Variants in RPS27L observed in about 807,000 individuals in gnomAD.
The protein encoded by RPS27L is ribosomal protein eS27-like.
Under a neutral mutation model 12.8 loss-of-function variants are expected in RPS27L, and 10 were observed. The observed-to-expected ratio is 0.78, with a 90% CI of 0.48 to 1.33. The LOEUF is 1.33. Among genes scored for constraint, RPS27L ranks in the 40% most tolerant of loss-of-function variants. The pLI, the probability that RPS27L is intolerant of heterozygous loss-of-function variation, is 0.00. For missense variants in RPS27L, 81 were observed against 97.4 expected (o/e 0.83, Z 0.71); for synonymous variants, 26 against 32.3 (o/e 0.81, Z 0.66).
chr15:63,157,051 A>G (rs890192903), intron 1 of RPS27L: 5 of 389,714 alleles, frequency 1.3e-5, no homozygotes, highest in South Asian at 3.3e-5. Flanking sequence ...CGCTTCCGAA[A>G]GAAGGCAGAG....
intron 1 of RPS27L, 91 bp from the exon 2 acceptor site, chr15:63,156,612 T>TAACGGTC (rs1324585232): frequency 1.2e-6 from 1 of 802,276 alleles, no homozygotes; most frequent in Non-Finnish European, 2.1e-6. Flanking sequence ...AAAACAGGAA[T>TAACGGTC]AACGGTCATC....
rs2037281937 is a variant in RPS27L at position 63,148,914 on chromosome 15, A to G, written c.*5118T>C. The G allele has an allele frequency of 7.4e-6, 1 of 135,612 alleles. No homozygotes were observed. Among genetic ancestry groups the G allele is most frequent in the Non-Finnish European group, 1.5e-5 (1 of 66,308 alleles). 8.4% of individuals were successfully genotyped at this position (135,612 alleles called of 1,614,324 possible). On this transcript the variant is annotated 3_prime_UTR_variant, in exon 4 of 4. Transcript: ENST00000330964. ...TGCTCTGTCGCCCAGGCTGGAGTGC[A>G]GTGGTACGATCTGGGCTCACTGCAA... is the stretch of plus-strand genomic sequence containing the variant.
chr15:63,157,308 A>T, intron 1 of RPS27L, 92 bp downstream of exon 1: 1 of 1,401,376 alleles, frequency 7.1e-7, no homozygotes, highest in Non-Finnish European at 1.0e-6. Flanking sequence ...CTCGGACACT[A>T]CAGGCCCGAG....
chr15:63,150,647 T>G lies in RPS27L; in HGVS notation c.*3385A>C, dbSNP rs1483872708. On this transcript the variant is annotated 3_prime_UTR_variant, in exon 4 of 4. Transcript: ENST00000330964. The stretch of plus-strand genomic sequence containing the variant: ...AATTTCATTTTATTTTTAGCTTATT[T>G]ATTTTTTTCTTGAGCTGGAGTCTTG... 1 of 152,228 alleles carries G rather than the reference T, an allele frequency of 6.6e-6. No homozygotes were observed. Among genetic ancestry groups the G allele is most frequent in the African/African-American group, 2.4e-5 (1 of 41,444 alleles). The allele number at this position is 152,228 out of a possible 1,614,324, so 9.4% of individuals were successfully genotyped here. A position where few individuals can be genotyped will look rare whatever the true frequency, so the allele number is the denominator to read the frequency against.
intron 1 of RPS27L, chr15:63,157,153 A>C (rs2037337678): frequency 1.7e-6 from 1 of 575,838 alleles, no homozygotes; most frequent in Admixed American, 3.1e-5. Flanking sequence ...CTCATAAGCT[A>C]CACAGAGAAC....
chr15:63,151,147 G>T lies in RPS27L; in HGVS notation c.*2885C>A, dbSNP rs1283392071. ...TGGGAAAGTCCTGGTGTCCTATTCA[G>T]CACTTTTCAAAACCAGTAATACCAT... On this transcript the variant is annotated 3_prime_UTR_variant, in exon 4 of 4. Coordinates refer to ENST00000330964, the MANE Select transcript of RPS27L (RefSeq NM_015920.4). The T allele has an allele frequency of 6.6e-6, 1 of 152,142 alleles. No individual in the cohort carries two copies. Among genetic ancestry groups the T allele is most frequent in the East Asian group, 1.9e-4 (1 of 5,196 alleles). The allele number at this position is 152,142 out of a possible 1,614,324, so 9.4% of individuals were successfully genotyped here. A position where few individuals can be genotyped will look rare whatever the true frequency, so the allele number is the denominator to read the frequency against.
In RPS27L at chr15:63,150,321, A is replaced by G. The variant is rs1159139351; in HGVS notation, c.*3711T>C. The G allele has an allele frequency of 6.6e-6, 1 of 152,180 alleles. No individual in the cohort carries two copies. Among genetic ancestry groups the G allele is most frequent in the African/African-American group, 2.4e-5 (1 of 41,444 alleles). The allele number at this position is 152,180 out of a possible 1,614,324, so 9.4% of individuals were successfully genotyped here. A position where few individuals can be genotyped will look rare whatever the true frequency, so the allele number is the denominator to read the frequency against. ...GAGAAGAAGCAAATCCATGGAGACA[A>G]AAGTAGCTTAGTGGCTGCCAATGGC... On this transcript the variant is annotated 3_prime_UTR_variant, in exon 4 of 4. Coordinates refer to ENST00000330964, the MANE Select transcript of RPS27L (RefSeq NM_015920.4).
chr15:63,154,819 G>T (rs2037321449), intron 3 of RPS27L: 1 of 151,444 alleles, frequency 6.6e-6, no homozygotes, highest in African/African-American at 2.4e-5. Context: ...TTAAAATTAG[G>T]TTTTTATATT....
intron 2 of RPS27L, 88 bp downstream of exon 2, chr15:63,156,325 G>T: frequency 1.5e-6 from 1 of 657,994 alleles, no homozygotes; most frequent in South Asian, 2.0e-5. Context: ...CTCAACAGAG[G>T]GTTCTAATGT....
In RPS27L at chr15:63,156,413, C is replaced by G; in HGVS notation, c.115G>C (p.Gly39Arg). ...NSYFMDVKCP[G>R]CYKITTVFSH... ...AAGGAATTAAGATTTCAAATTTTAC[C>G]TGGACATTTTACATCCATAAAGTAA... The change falls in exon 2 of 4, where the codon GGT becomes CGT. Residue 39 changes from glycine (G) to arginine (R), a missense_variant and splice_region_variant. Physicochemically the swap from Gly to Arg is moderately radical, Grantham distance 125. Transcript: ENST00000330964. The G allele has an allele frequency of 6.6e-7, 1 of 1,523,676 alleles. No homozygotes were observed. Among genetic ancestry groups the G allele is most frequent in the South Asian group, 1.2e-5 (1 of 83,792 alleles). 94.4% of individuals were successfully genotyped at this position (1,523,676 alleles called of 1,614,324 possible).
intron 1 of RPS27L, 115 bp downstream of exon 1, chr15:63,157,285 C>G (rs1482407446): frequency 6.8e-6 from 8 of 1,181,336 alleles, no homozygotes; most frequent in Non-Finnish European, 1.0e-5. Flanking sequence ...GCAACCTGAG[C>G]CGCCTCGCCA....
chr15:63,156,645 A>G (rs771401462), intron 1 of RPS27L, 124 bp from the exon 2 acceptor site: 88 of 690,588 alleles, frequency 1.3e-4, no homozygotes, highest in Middle Eastern at 2.3e-4. Flanking sequence ...AACACGTCAG[A>G]TAGTAAAGTT....
rs1176869944 is a variant in RPS27L at position 63,152,818 on chromosome 15, C to G, written c.*1214G>C. On this transcript the variant is annotated 3_prime_UTR_variant, in exon 4 of 4. Coordinates refer to ENST00000330964, the MANE Select transcript of RPS27L (RefSeq NM_015920.4). Reference sequence around the variant, plus strand: ...CCTTCCTTATACAACTATATACACCCCAAACTTGCCATCATTCTTTAGTTC... The same window carrying G: ...CCTTCCTTATACAACTATATACACCGCAAACTTGCCATCATTCTTTAGTTC... The G allele has an allele frequency of 6.6e-6, 1 of 152,126 alleles. No homozygotes were observed. The highest frequency in any genetic ancestry group is 1.5e-5 in the Non-Finnish European group (1 of 68,054). 9.4% of individuals were successfully genotyped at this position (152,126 alleles called of 1,614,324 possible).
chr15:63,153,724 CTCAAA>C lies in RPS27L; in HGVS notation c.*303_*307del. 1 of 218,024 alleles carries C rather than the reference CTCAAA, an allele frequency of 4.6e-6. No individual in the cohort carries two copies. The highest frequency in any genetic ancestry group is 8.1e-6 in the Non-Finnish European group (1 of 122,926). 13.5% of individuals were successfully genotyped at this position (218,024 alleles called of 1,614,324 possible). A position where few individuals can be genotyped will look rare whatever the true frequency, so the allele number is the denominator to read the frequency against. ...TGAGTGACAGAGCAGGACTCTCTCT[CTCAAA>C]AAAAAAAAAAAAGACACAAACTAAT... On this transcript the variant is annotated 3_prime_UTR_variant, in exon 4 of 4. Transcript: ENST00000330964.
In RPS27L at chr15:63,149,771, T is replaced by A. The variant is rs1330779255; in HGVS notation, c.*4261A>T. 1 of 152,060 alleles carries A rather than the reference T, an allele frequency of 6.6e-6. No individual in the cohort carries two copies. Among genetic ancestry groups the A allele is most frequent in the Non-Finnish European group, 1.5e-5 (1 of 68,002 alleles). The allele number at this position is 152,060 out of a possible 1,614,324, so 9.4% of individuals were successfully genotyped here. ...CATAGCAAAATGGATTTTGCAGATG[T>A]CATTAAGAATACTTTATTTGGCCGG... On this transcript the variant is annotated 3_prime_UTR_variant, in exon 4 of 4. Coordinates refer to ENST00000330964, the MANE Select transcript of RPS27L (RefSeq NM_015920.4).
At position 63,150,504 on chromosome 15, in the gene RPS27L, A is replaced by C. The variant is rs2037293580; in HGVS notation, c.*3528T>G. On this transcript the variant is annotated 3_prime_UTR_variant, in exon 4 of 4. Coordinates refer to ENST00000330964, the MANE Select transcript of RPS27L (RefSeq NM_015920.4). The stretch of plus-strand genomic sequence containing the variant: ...TACATCACAGAAGTTTGGATTTTAT[A>C]GTATCTGAATCATATCTCCAGAAAA... 1.3e-5 allele frequency: 2 copies of C among 152,248 alleles called. No homozygotes were observed. The highest frequency in any genetic ancestry group is 2.4e-5 in the African/African-American group (1 of 41,468). 9.4% of individuals were successfully genotyped at this position (152,248 alleles called of 1,614,324 possible). A position where few individuals can be genotyped will look rare whatever the true frequency, so the allele number is the denominator to read the frequency against.
chr15:63,156,456 T>C lies in RPS27L; in HGVS notation c.72A>G (p.Leu24=), dbSNP rs373513756. Residue 24 remains leucine, a synonymous_variant, in exon 2 of 4, where the codon CTA becomes CTG. Transcript: ENST00000330964. ...TAAAGTAAGAATTTGGACTTTGTACTAGGCGTTTCTTTTTATGTTTTTTCT... is the reference window on the plus strand; with the variant it reads ...TAAAGTAAGAATTTGGACTTTGTACCAGGCGTTTCTTTTTATGTTTTTTCT... ...EEKKKHKKKR[L]VQSPNSYFMD... The C allele has an allele frequency of 1.6e-5, 25 of 1,604,844 alleles. No individual in the cohort carries two copies. Among genetic ancestry groups the C allele is most frequent in the East Asian group, 2.2e-5 (1 of 44,846 alleles).
chr15:63,154,865 G>T (rs1047265382), intron 3 of RPS27L: 4 of 151,224 alleles, frequency 2.6e-5, no homozygotes, highest in Non-Finnish European at 5.9e-5. Flanking sequence ...AAAATCTCTG[G>T]CATTTTAACT....
intron 3 of RPS27L, chr15:63,154,945 T>C (rs2037322183): frequency 6.6e-6 from 1 of 152,056 alleles, no homozygotes; most frequent in Non-Finnish European, 1.5e-5. Context: ...TAAATATATA[T>C]GGAACAAAAT....
Sources: allele counts gnomAD v4.1 joint callset, GRCh38; gene constraint gnomAD v4.1.1; transcripts MANE v1.5; gene names NCBI Gene and HGNC (gene_info 2026-07-23, HGNC 2026-07-21).